SYNE1: variants seen among roughly 807,000 people sequenced by gnomAD.
The protein encoded by SYNE1 is nesprin-1.
In SYNE1, 616 loss-of-function variants were observed where a neutral mutation model predicts 1,111.0. That is an observed-to-expected ratio of 0.55 (90% confidence interval 0.52 to 0.59). The LOEUF is 0.59. Ranked by LOEUF, SYNE1 falls within the 20% of genes least tolerant of loss-of-function variation. The probability of loss-of-function intolerance (pLI) is 0.00; values close to 1 mark genes in which losing one functional copy is unlikely to be tolerated. For missense variants in SYNE1, 10,006 were observed against 10,417.0 expected, an observed-to-expected ratio of 0.96 and a Z score of 1.72; for synonymous variants, 3,855 against 3,825.8, an observed-to-expected ratio of 1.01 and a Z score of -0.28.
chr6:152,214,948 C>T lies in SYNE1; in HGVS notation c.22304G>A (p.Arg7435His), dbSNP rs748260996. The T allele has an allele frequency of 9.9e-6, 16 of 1,613,998 alleles. No individual in the cohort carries two copies. The highest frequency in any genetic ancestry group is 2.2e-5 in the East Asian group (1 of 44,884). Reference sequence around the variant, plus strand: ...CTGAGAGGAGATCAGAGACCAATGGCGGTTCAGATTCTGCATTCTTTTGAT... The same window carrying T: ...CTGAGAGGAGATCAGAGACCAATGGTGGTTCAGATTCTGCATTCTTTTGAT... ...KEIKRMQNLNRHWSLISSQTT... is the reference protein window; with the variant it reads ...KEIKRMQNLNHHWSLISSQTT... The change falls in exon 122 of 146, where the codon CGC (arginine) becomes CAC (histidine). Residue 7435 changes from arginine to histidine, a missense_variant. Around this residue, in one of 7 missense-constraint regions of SYNE1, gnomAD observed 2,182 missense variants for 2,287.8 expected, o/e 0.95. Transcript: ENST00000367255.
At chr6:152,456,925 T>C (rs1395254602) in intron 22 of SYNE1, 1 of 236,632 alleles carries the variant, frequency 4.2e-6, no homozygotes, top group Non-Finnish European at 8.7e-6. Flanking sequence ...AAGACATACT[T>C]TTTCCTTTTG....
intron 3 of SYNE1, among the ~76,000 whole-genome samples, chr6:152,565,946 G>A (rs78538086): frequency 0.019 from 2,835 of 152,286 alleles, 95 homozygotes; most frequent in African/African-American, 0.065. Context: ...CAAATTATGT[G>A]CAAAGCACTG....
intron 3 of SYNE1, among the ~76,000 whole-genome samples, chr6:152,612,634 C>T (rs1372636412): frequency 6.6e-6 from 1 of 152,110 alleles, no homozygotes; most frequent in Non-Finnish European, 1.5e-5. Flanking sequence ...AGTGAATCCC[C>T]CCTAACTCAT....
chr6:152,206,608 G>GA (rs922565385), intron 125 of SYNE1, among the ~76,000 whole-genome samples: 9 of 152,158 alleles, frequency 5.9e-5, no homozygotes, highest in African/African-American at 2.2e-4. Context: ...TTGATGCGTG[G>GA]AAATACAGAG....
chr6:152,610,439 C>T (rs2800648), intron 3 of SYNE1, among the ~76,000 whole-genome samples: 124,369 of 151,970 alleles, frequency 0.82, 51,317 homozygotes, highest in African/African-American at 0.92. Flanking sequence ...GAAGACAAGG[C>T]TAGAGAAAAA....
At chr6:152,599,222 T>A (rs1565099372) in intron 3 of SYNE1, among the ~76,000 whole-genome samples, 1 of 152,206 alleles carries the variant, frequency 6.6e-6, no homozygotes, top group Non-Finnish European at 1.5e-5. Flanking sequence ...CACTGGCTAA[T>A]AATGACTACA....
At chr6:152,419,011 G>C (rs2098212527) in intron 40 of SYNE1, among the ~76,000 whole-genome samples, 1 of 152,010 alleles carries the variant, frequency 6.6e-6, no homozygotes, top group Non-Finnish European at 1.5e-5. Flanking sequence ...TATTTTGTGG[G>C]ACTCCCATAC....
At chr6:152,577,063 T>C (rs2099499605) in intron 3 of SYNE1, among the ~76,000 whole-genome samples, 1 of 152,212 alleles carries the variant, frequency 6.6e-6, no homozygotes, top group African/African-American at 2.4e-5. Context: ...TTTAAATTAA[T>C]TTGAGCTTCA....
At chr6:152,141,936 T>A (rs1023211712) in intron 138 of SYNE1, among the ~76,000 whole-genome samples, 1 of 152,040 alleles carries the variant, frequency 6.6e-6, no homozygotes, top group Non-Finnish European at 1.5e-5. Flanking sequence ...CCAGGCGTGG[T>A]GGTGAGCACC....
At position 152,211,592 on chromosome 6, in the gene SYNE1, T is replaced by C. The variant is rs1563543659; in HGVS notation, c.22495-4A>G. The C allele has an allele frequency of 2.5e-6, 4 of 1,612,008 alleles. No homozygotes were observed. Among genetic ancestry groups the C allele is most frequent in the Non-Finnish European group, 3.4e-6 (4 of 1,178,606 alleles). On this transcript the variant is annotated splice_polypyrimidine_tract_variant and splice_region_variant and intron_variant, in intron 123 of 145. Coordinates refer to ENST00000367255, the MANE Select transcript of SYNE1 (RefSeq NM_182961.4). The stretch of plus-strand genomic sequence containing the variant: ...TGAACATCTCGGCTTGAAACAACTA[T>C]AATTTAAAAAAAAGAAGAACATACT...
chr6:152,140,970 A>G (rs903329481), intron 139 of SYNE1, among the ~76,000 whole-genome samples: 6 of 152,184 alleles, frequency 3.9e-5, no homozygotes, highest in East Asian at 3.9e-4. Context: ...GGGAGGCGGA[A>G]CTTGCAGTGA....
intron 120 of SYNE1, among the ~76,000 whole-genome samples, 167 bp downstream of exon 120, chr6:152,218,816 TGGCAGAGAACAGCGCAAAAC>T (rs386707186): frequency 0.057 from 8,656 of 152,286 alleles, 858 homozygotes; most frequent in African/African-American, 0.2. Context: ...TAAAATTCCT[TGGCAGAGAACAGCGCAAAAC>T]GTCCACCTTC....
At chr6:152,238,343 T>A (rs1453183167) in intron 108 of SYNE1, among the ~76,000 whole-genome samples, 1 of 152,320 alleles carries the variant, frequency 6.6e-6, no homozygotes, top group African/African-American at 2.4e-5. Flanking sequence ...GACTCATTGC[T>A]GAAACAGGGA....
chr6:152,175,884 T>C (rs2066348549), intron 130 of SYNE1, among the ~76,000 whole-genome samples: 1 of 152,206 alleles, frequency 6.6e-6, no homozygotes, highest in South Asian at 2.1e-4. Flanking sequence ...AGGCAAACAC[T>C]TATAGTTAGC....
At chr6:152,392,585 T>C (rs2154136005) in intron 51 of SYNE1, among the ~76,000 whole-genome samples, 1 of 152,298 alleles carries the variant, frequency 6.6e-6, no homozygotes, top group South Asian at 2.1e-4. Flanking sequence ...GTGGCTGTTA[T>C]GCAAATATAT....
At position 152,461,752 on chromosome 6, in the gene SYNE1, A is replaced by T. The variant is rs748301567; in HGVS notation, c.2251-12T>A. 6.2e-7 allele frequency: 1 copy of T among 1,613,886 alleles called. No homozygotes were observed. Among genetic ancestry groups the T allele is most frequent in the South Asian group, 1.1e-5 (1 of 91,082 alleles). Reference sequence around the variant, plus strand: ...CTCTGCTCAATATCCTGCATGAATCATTGAAACAGCCAGATTCATACATGA... The same window carrying T: ...CTCTGCTCAATATCCTGCATGAATCTTTGAAACAGCCAGATTCATACATGA... On this transcript the variant is annotated splice_polypyrimidine_tract_variant and intron_variant, in intron 20 of 145. Coordinates refer to ENST00000367255, the MANE Select transcript of SYNE1 (RefSeq NM_182961.4).
intron 3 of SYNE1, among the ~76,000 whole-genome samples, chr6:152,553,346 G>A (rs532284811): frequency 2.0e-5 from 3 of 152,210 alleles, no homozygotes; most frequent in East Asian, 3.9e-4. Context: ...CAATGTAGAC[G>A]CAATTCCCAA....
In SYNE1 at chr6:152,152,018, C is replaced by T; in HGVS notation, c.24253G>A (p.Gly8085Ser). The change falls in exon 134 of 146, where the codon GGC becomes AGC. Residue 8085 changes from glycine (G) to serine (S), a missense_variant. Physicochemically the swap from Gly to Ser is moderately conservative, Grantham distance 56. This residue lies in a region of SYNE1 where 2,182 missense variants were observed against 2,287.8 expected (regional missense o/e 0.95). Coordinates refer to ENST00000367255, the MANE Select transcript of SYNE1 (RefSeq NM_182961.4). ...ACSLKQMVHE[G>S]NQRWDNLQKR... ...TGCAGGTTGTCCCATCTCTGGTTGC[C>T]TTCGTGAACCATCTGTTTGAGGCTA... 1.2e-6 allele frequency: 2 copies of T among 1,614,074 alleles called. No homozygotes were observed. Among genetic ancestry groups the T allele is most frequent in the East Asian group, 4.5e-5 (2 of 44,888 alleles).
Position 152,323,691 on chromosome 6 carries a change from G to C in SYNE1, c.15704C>G (p.Pro5235Arg). 6.2e-7 allele frequency: 1 copy of C among 1,614,170 alleles called. No individual in the cohort carries two copies. Among genetic ancestry groups the C allele is most frequent in the South Asian group, 1.1e-5 (1 of 91,076 alleles). ...CGATGCTTTCTCTGCTGAACTTCCAGGTAACTTATCTTGCAGCTGATCAAT... is the reference window on the plus strand; with the variant it reads ...CGATGCTTTCTCTGCTGAACTTCCACGTAACTTATCTTGCAGCTGATCAAT... ...EMIDQLQDKL[P>R]GSSAEKASKA... The change falls in exon 82 of 146, where the codon CCT becomes CGT. Residue 5235 changes from proline to arginine, a missense_variant. By Grantham distance (103) the Pro-to-Arg change is moderately radical. Around this residue, in one of 7 missense-constraint regions of SYNE1, gnomAD observed 4,955 missense variants for 5,017.2 expected, o/e 0.99. Transcript: ENST00000367255.
Sources: allele counts gnomAD v4.1 joint callset (sites outside exome capture counted in the v4.1 genomes callset), GRCh38; gene constraint gnomAD v4.1.1; regional missense constraint gnomAD v4.1.1; transcripts MANE v1.5; gene names NCBI Gene and HGNC (gene_info 2026-07-23, HGNC 2026-07-21).